Variants in BLTP3B observed in about 807,000 individuals in gnomAD.
BLTP3B encodes UHRF1 (ICBP90) binding protein 1-like.
chr12:100,080,472 G>C, the BLTP3B span, among the ~76,000 whole-genome samples: 2 of 151,940 alleles, frequency 1.3e-5, no homozygotes, highest in African/African-American at 4.8e-5. Context: ...ACATCAGCGT[G>C]ACATGTATGT....
chr12:100,056,518 T>G, the BLTP3B span, among the ~76,000 whole-genome samples: 1 of 151,994 alleles, frequency 6.6e-6, no homozygotes, highest in African/African-American at 2.4e-5. Flanking sequence ...TTCATCTAAA[T>G]CAGTGGGCTT....
the BLTP3B span, among the ~76,000 whole-genome samples, chr12:100,101,534 G>GT: frequency 6.6e-6 from 1 of 152,178 alleles, no homozygotes; most frequent in African/African-American, 2.4e-5. Context: ...AACAATTAAT[G>GT]TGAACGCAAA....
chr12:100,124,773 T>C, the BLTP3B span, among the ~76,000 whole-genome samples: 2 of 149,860 alleles, frequency 1.3e-5, no homozygotes, highest in Non-Finnish European at 3.0e-5. Context: ...AAAATAAAAA[T>C]TAGCTGGGCA....
the BLTP3B span, among the ~76,000 whole-genome samples, chr12:100,121,070 G>A: frequency 5.9e-5 from 9 of 151,974 alleles, no homozygotes; most frequent in African/African-American, 1.5e-4. Context: ...AAACTAGGCC[G>A]GGCACAGTGG....
chr12:100,119,751 C>A, the BLTP3B span, among the ~76,000 whole-genome samples: 2 of 151,720 alleles, frequency 1.3e-5, no homozygotes, highest in Admixed American at 6.6e-5. Context: ...AAACAAAAAA[C>A]AAAAAAATCC....
the BLTP3B span, chr12:100,058,203 T>A: frequency 6.2e-7 from 1 of 1,613,126 alleles, no homozygotes; most frequent in Admixed American, 1.7e-5. Context: ...TTGATTACCA[T>A]CACTATCAAA....
the BLTP3B span, among the ~76,000 whole-genome samples, chr12:100,097,691 T>G: frequency 6.6e-6 from 1 of 152,228 alleles, no homozygotes. Context: ...CCTCTTCATA[T>G]TCATATTCAT....
the BLTP3B span, among the ~76,000 whole-genome samples, chr12:100,125,234 G>A: frequency 6.7e-6 from 1 of 148,560 alleles, no homozygotes; most frequent in Non-Finnish European, 1.5e-5. Context: ...CAGGGAGGCT[G>A]AAGCAGGAGA....
chr12:100,079,281 T>C, the BLTP3B span, among the ~76,000 whole-genome samples: 2 of 152,184 alleles, frequency 1.3e-5, no homozygotes, highest in South Asian at 2.1e-4. Context: ...TGGGAAAGTT[T>C]GGAATTTCCT....
At chr12:100,125,482 C>T in the BLTP3B span, among the ~76,000 whole-genome samples, 1 of 152,076 alleles carries the variant, frequency 6.6e-6, no homozygotes. Context: ...GAGACCCCAT[C>T]TCTAGAAAAA....
the BLTP3B span, among the ~76,000 whole-genome samples, chr12:100,112,401 G>C: frequency 6.6e-6 from 1 of 152,162 alleles, no homozygotes; most frequent in Middle Eastern, 3.2e-3. Flanking sequence ...CAGTTACTGA[G>C]GGGACTGAGC....
the BLTP3B span, chr12:100,039,849 G>T: frequency 6.9e-7 from 1 of 1,440,770 alleles, no homozygotes; most frequent in Non-Finnish European, 9.3e-7. Flanking sequence ...ATCTTTAAAA[G>T]TTCCATTGTG....
At chr12:100,057,578 C>G in the BLTP3B span, 1 of 1,600,018 alleles carries the variant, frequency 6.2e-7, no homozygotes. Flanking sequence ...TACCTTTTTC[C>G]AAAAACATAT....
the BLTP3B span, among the ~76,000 whole-genome samples, chr12:100,093,791 T>A: frequency 2.0e-5 from 3 of 152,184 alleles, no homozygotes; most frequent in Non-Finnish European, 2.9e-5. Context: ...TTGTAATATA[T>A]CGTGAGGCAT....
At chr12:100,042,455 T>G in the BLTP3B span, among the ~76,000 whole-genome samples, 1 of 152,164 alleles carries the variant, frequency 6.6e-6, no homozygotes, top group Non-Finnish European at 1.5e-5. Flanking sequence ...AGAATAGAAT[T>G]GAGAATCCAG....
At chr12:100,058,409 A>C in the BLTP3B span, 1 of 1,612,586 alleles carries the variant, frequency 6.2e-7, no homozygotes, top group Non-Finnish European at 8.5e-7. Flanking sequence ...CTTTTTGCAG[A>C]TTTGTATCAC....
the BLTP3B span, chr12:100,097,361 T>C: frequency 6.2e-7 from 1 of 1,607,874 alleles, no homozygotes; most frequent in Non-Finnish European, 8.5e-7. Context: ...TCTTGTTGAC[T>C]CACCCTTCTT....
the BLTP3B span, among the ~76,000 whole-genome samples, chr12:100,107,875 C>T: frequency 2.6e-5 from 4 of 152,114 alleles, no homozygotes; most frequent in Admixed American, 6.6e-5. Context: ...GCTGGGCCTA[C>T]AGGCGCATGT....
chr12:100,070,920 T>C, the BLTP3B span, among the ~76,000 whole-genome samples: 3 of 151,810 alleles, frequency 2.0e-5, no homozygotes, highest in Admixed American at 6.6e-5. Flanking sequence ...TTGAACCTGG[T>C]AGGCAGAGGT....
Sources: gnomAD v4.1 joint callset for allele counts (sites outside exome capture counted in the v4.1 genomes callset) on GRCh38, gnomAD v4.1.1 for gene constraint, MANE v1.5 for transcripts, NCBI Gene and HGNC (gene_info 2026-07-23, HGNC 2026-07-21) for gene names.